The following ADGRG4 variants were observed in gnomAD, a reference collection of about 807,000 sequenced individuals.
The protein encoded by ADGRG4 is adhesion G protein-coupled receptor G4, also known as G protein-coupled receptor 112.
In ADGRG4, 122 loss-of-function variants were observed where a neutral mutation model predicts 126.2. That is an observed-to-expected ratio of 0.97 (90% CI 0.83 to 1.12). ADGRG4 has a LOEUF of 1.12. ADGRG4 is among the 50% of genes most tolerant of loss of function. The pLI is 0.00. For synonymous variants in ADGRG4, 943 were observed against 838.7 expected, an observed-to-expected ratio of 1.12 and a Z score of -2.15; for missense variants, 2,481 against 2,251.8, an observed-to-expected ratio of 1.10 and a Z score of -2.06.
rs184474796 is a variant in ADGRG4 at position 136,321,439 on chromosome X, C to T, written c.71-1339C>T. ...TGGTCAGAGAATATCTGGAAGCTTT[C>T]ATTTGGCGGCATCTCCCAGAAGCAG... On this transcript the variant is annotated intron_variant, in intron 4 of 25. Transcript: ENST00000394143. Among the ~76,000 whole-genome samples, 3 of 111,560 alleles carry T rather than the reference C, an allele frequency of 2.7e-5. No individual in the cohort carries two copies. In the East Asian group the frequency reaches 8.4e-4, roughly 31 times the overall value.
intron 5 of ADGRG4, among the ~76,000 whole-genome samples, chrX:136,343,889 G>A (rs1471232244): frequency 2.7e-5 from 3 of 111,789 alleles, no homozygotes; most frequent in African/African-American, 9.7e-5. Flanking sequence ...ACTAGTCCAA[G>A]GTTATGTAAT....
rs774085649 is a variant in ADGRG4 at position 136,339,104 on chromosome X, G to A, written c.686-5288G>A. 3.6e-5 allele frequency among the ~76,000 whole-genome samples: 4 copies of A among 110,823 alleles called. No homozygotes were observed. In the East Asian group the frequency reaches 1.1e-3, roughly 31 times the overall value. ...ACCCTACCAATGCCTCTTGACTTCCGCTAGTCTCTGGACAGGAAAGGAAAA... is the reference window on the plus strand; with the variant it reads ...ACCCTACCAATGCCTCTTGACTTCCACTAGTCTCTGGACAGGAAAGGAAAA... On this transcript the variant is annotated intron_variant, in intron 5 of 25. Coordinates refer to ENST00000394143, the MANE Select transcript of ADGRG4 (RefSeq NM_153834.4).
At chrX:136,412,172 G>A in intron 23 of ADGRG4, 93 bp from the exon 24 acceptor site, 1 of 581,922 alleles carries the variant, frequency 1.7e-6, no homozygotes, top group Non-Finnish European at 2.9e-6. Context: ...CTTGAAAGTA[G>A]TATCTCTCAT....
chrX:136,361,550 T>C lies in ADGRG4; in HGVS notation c.7240T>C (p.Cys2414Arg). The C allele has an allele frequency of 8.4e-7, 1 of 1,189,420 alleles. No homozygotes were observed. The change falls in exon 12 of 26, where the codon TGC (cysteine) becomes CGC (arginine). Residue 2414 changes from cysteine to arginine, a missense_variant. By Grantham distance (180) the Cys-to-Arg change is radical. Transcript: ENST00000394143. ...CCCTACGGAGACAGCCCAAACCAGA[T>C]GCATAAAAAATGAGGATGGAAATGC... The part of the protein sequence containing the change: ...TNPTETAQTR[C>R]IKNEDGNATR...
intron 24 of ADGRG4, among the ~76,000 whole-genome samples, chrX:136,413,725 T>C (rs893665042): frequency 2.1e-4 from 21 of 101,741 alleles, no homozygotes; most frequent in African/African-American, 7.7e-4. Flanking sequence ...GCTTTGTTTT[T>C]TTGTTTTTGT....
intron 5 of ADGRG4, among the ~76,000 whole-genome samples, chrX:136,341,548 A>G (rs2074979326): frequency 8.9e-6 from 1 of 112,478 alleles, no homozygotes; most frequent in East Asian, 2.8e-4. Context: ...ACGTGGAGTT[A>G]TGGACAAATT....
At chrX:136,339,419 A>G (rs1023792676) in intron 5 of ADGRG4, among the ~76,000 whole-genome samples, 3 of 111,848 alleles carry the variant, frequency 2.7e-5, no homozygotes, top group African/African-American at 9.8e-5. Context: ...GGGGAGATTC[A>G]GGCCTGTTAG....
At chrX:136,378,832 A>G (rs1023386642) in intron 15 of ADGRG4, among the ~76,000 whole-genome samples, 17 of 111,933 alleles carry the variant, frequency 1.5e-4, no homozygotes, top group African/African-American at 4.5e-4. Flanking sequence ...GAATTCCTAG[A>G]AAAAACCCTA....
intron 2 of ADGRG4, 141 bp from the exon 3 acceptor site, chrX:136,304,714 T>G (rs1476230320): frequency 8.9e-6 from 1 of 112,103 alleles, no homozygotes; most frequent in Non-Finnish European, 1.9e-5. Flanking sequence ...TGCGAACCAC[T>G]GGAGAACATA....
chrX:136,409,006 T>C (rs2148501629), intron 23 of ADGRG4, among the ~76,000 whole-genome samples: 1 of 108,531 alleles, frequency 9.2e-6, no homozygotes, highest in Non-Finnish European at 1.9e-5. Flanking sequence ...ATGTGCCATC[T>C]TGTAGCAAGG....
At chrX:136,304,550 A>T in intron 2 of ADGRG4, among the ~76,000 whole-genome samples, 1 of 112,253 alleles carries the variant, frequency 8.9e-6, no homozygotes, top group African/African-American at 3.2e-5. Flanking sequence ...TTAATTAAGC[A>T]CCTACTATGT....
intron 15 of ADGRG4, among the ~76,000 whole-genome samples, chrX:136,385,566 GTCTGCTAAT>G (rs1179523302): frequency 1.8e-5 from 2 of 111,253 alleles, no homozygotes; most frequent in African/African-American, 6.5e-5. Flanking sequence ...TAAAATCCTT[GTCTGCTAAT>G]TCTAATATCT....
intron 5 of ADGRG4, among the ~76,000 whole-genome samples, chrX:136,335,080 A>G (rs1371924046): frequency 1.8e-5 from 2 of 111,085 alleles, no homozygotes; most frequent in Non-Finnish European, 3.8e-5. Flanking sequence ...TAACTTGCCC[A>G]GAGATTGTAT....
rs2075026056 is a variant in ADGRG4 at position 136,347,445 on chromosome X, T to C, written c.3739T>C (p.Leu1247=). 8.3e-7 allele frequency: 1 copy of C among 1,207,016 alleles called. No homozygotes were observed. The highest frequency in any genetic ancestry group is 1.7e-5 in the African/African-American group (1 of 57,205). The change falls in exon 6 of 26, where the codon TTG becomes CTG. Residue 1247 remains leucine, a synonymous_variant. Coordinates refer to ENST00000394143, the MANE Select transcript of ADGRG4 (RefSeq NM_153834.4). The stretch of plus-strand genomic sequence containing the variant: ...TGTACACACACCAGTGTCCATCCAG[T>C]TGGTGACTAGCACCTCTGTCTTATC... ...YRVHTPVSIQ[L]VTSTSVLSSD...
intron 4 of ADGRG4, among the ~76,000 whole-genome samples, chrX:136,322,459 T>G (rs921633739): frequency 1.8e-5 from 2 of 111,757 alleles, no homozygotes; most frequent in South Asian, 3.8e-4. Flanking sequence ...GCCTCTTCCC[T>G]ACCCTTTCAC....
intron 1 of ADGRG4, among the ~76,000 whole-genome samples, chrX:136,303,174 G>A (rs2074713069): frequency 8.9e-6 from 1 of 112,095 alleles, no homozygotes; most frequent in Non-Finnish European, 1.9e-5. Flanking sequence ...ACAAAAATTA[G>A]CAAGGTGTGG....
chrX:136,318,555 C>A (rs2074819585), intron 4 of ADGRG4, among the ~76,000 whole-genome samples: 1 of 111,405 alleles, frequency 9.0e-6, no homozygotes, highest in African/African-American at 3.3e-5. Context: ...TGAAATTTCC[C>A]AGTACAAATA....
intron 4 of ADGRG4, among the ~76,000 whole-genome samples, chrX:136,311,753 C>T (rs1185828670): frequency 9.0e-6 from 1 of 111,396 alleles, no homozygotes; most frequent in Non-Finnish European, 1.9e-5. Flanking sequence ...TAGGCCAGGG[C>T]AGTCAGGACA....
intron 21 of ADGRG4, 43 bp downstream of exon 21, chrX:136,400,159 C>T (rs776774273): frequency 2.0e-6 from 2 of 1,008,828 alleles, no homozygotes; most frequent in South Asian, 4.3e-5. Flanking sequence ...TGTCTTAAGT[C>T]TGTCTTTCTA....
Sources: gnomAD v4.1 joint callset for allele counts (sites outside exome capture counted in the v4.1 genomes callset) on GRCh38, gnomAD v4.1.1 for gene constraint, MANE v1.5 for transcripts, NCBI Gene and HGNC (gene_info 2026-07-23, HGNC 2026-07-21) for gene names.